Variants in PDGFC observed in about 807,000 individuals in gnomAD.
The protein encoded by PDGFC is platelet derived growth factor C, also known as platelet-derived growth factor C.
Under a neutral mutation model 35.5 loss-of-function variants are expected in PDGFC, and 12 were observed. That is an observed-to-expected ratio of 0.34 (90% CI 0.22 to 0.55). The LOEUF (loss-of-function observed/expected upper bound fraction) is 0.55. Among genes scored for constraint, PDGFC ranks in the 20% least tolerant of loss-of-function variants. The pLI is 0.91. For missense variants in PDGFC, 322 were observed against 412.4 expected (o/e 0.78, Z 1.90); for synonymous variants, 159 against 148.8 (o/e 1.07, Z -0.50).
chr4:156,878,874 C>A lies in PDGFC; in HGVS notation c.119-28458G>T, dbSNP rs969855403. Among the ~76,000 whole-genome samples, 4 of 152,136 alleles carry A rather than the reference C, an allele frequency of 2.6e-5. No individual in the cohort carries two copies. The South Asian group carries it at 8.3e-4, about 32-fold the overall frequency. On this transcript the variant is annotated intron_variant, in intron 1 of 5. Transcript: ENST00000502773. ...GAGTTTTAGAGAACAATGACTTTTA[C>A]CTAGAAGTAACTCCTACCAAGTAGC... is the stretch of plus-strand genomic sequence containing the variant.
intron 2 of PDGFC, among the ~76,000 whole-genome samples, chr4:156,848,321 T>C (rs1331858321): frequency 6.6e-6 from 1 of 151,930 alleles, no homozygotes; most frequent in African/African-American, 2.4e-5. Context: ...TTGGGAAATG[T>C]ATAAACTGAT....
intron 1 of PDGFC, among the ~76,000 whole-genome samples, chr4:156,949,437 CTCTT>C (rs759183719): frequency 2.6e-5 from 4 of 151,632 alleles, no homozygotes; most frequent in Non-Finnish European, 4.4e-5. Context: ...GTGTCTCTCT[CTCTT>C]TCTCTCTCGC....
chr4:156,819,247 TA>T (rs201926629), intron 2 of PDGFC, among the ~76,000 whole-genome samples: 1 of 151,850 alleles, frequency 6.6e-6, no homozygotes, highest in Non-Finnish European at 1.5e-5. Flanking sequence ...GTGGATATGC[TA>T]AAAAAAACAC....
chr4:156,957,953 C>T (rs1035237416), intron 1 of PDGFC, among the ~76,000 whole-genome samples: 2 of 151,976 alleles, frequency 1.3e-5, no homozygotes, highest in African/African-American at 2.4e-5. Flanking sequence ...TGATTCTGCA[C>T]GTGCAAATGA....
At chr4:156,893,392 G>A (rs1730559742) in intron 1 of PDGFC, among the ~76,000 whole-genome samples, 1 of 151,756 alleles carries the variant, frequency 6.6e-6, no homozygotes, top group Admixed American at 6.6e-5. Context: ...GGAATGCAGT[G>A]GGCAATCACA....
At chr4:156,865,257 G>A (rs1363198756) in intron 1 of PDGFC, among the ~76,000 whole-genome samples, 4 of 151,544 alleles carry the variant, frequency 2.6e-5, no homozygotes, top group Admixed American at 6.6e-5. Context: ...ATGAACACAG[G>A]GGTATCATTT....
At chr4:156,823,096 T>C (rs1218180786) in intron 2 of PDGFC, among the ~76,000 whole-genome samples, 1 of 152,038 alleles carries the variant, frequency 6.6e-6, no homozygotes, top group African/African-American at 2.4e-5. Flanking sequence ...GAACAAAGAA[T>C]CATCCAGTTT....
intron 2 of PDGFC, among the ~76,000 whole-genome samples, chr4:156,843,977 C>T (rs10008978): frequency 0.095 from 14,485 of 152,182 alleles, 819 homozygotes; most frequent in African/African-American, 0.14. Flanking sequence ...CCTTGCCTTG[C>T]TATTTCTGCT....
At chr4:156,802,238 A>G (rs900202072) in intron 3 of PDGFC, among the ~76,000 whole-genome samples, 2 of 152,174 alleles carry the variant, frequency 1.3e-5, no homozygotes, top group Non-Finnish European at 2.9e-5. Context: ...TCAGTCTCAC[A>G]TACTTTTTGG....
chr4:156,868,416 C>G (rs2111134455), intron 1 of PDGFC, among the ~76,000 whole-genome samples: 1 of 152,224 alleles, frequency 6.6e-6, no homozygotes, highest in East Asian at 1.9e-4. Context: ...GAACACTACC[C>G]ATTAAGGATT....
chr4:156,913,846 A>C (rs1294767940), intron 1 of PDGFC, among the ~76,000 whole-genome samples: 1 of 151,872 alleles, frequency 6.6e-6, no homozygotes, highest in Admixed American at 6.6e-5. Flanking sequence ...CAAACCTCTC[A>C]CCTTGGTTGA....
chr4:156,767,844 A>G lies in PDGFC; in HGVS notation c.850T>C (p.Cys284Arg). 1 of 1,613,472 alleles carries G rather than the reference A, an allele frequency of 6.2e-7. No homozygotes were observed. Among genetic ancestry groups the G allele is most frequent in the Non-Finnish European group, 8.5e-7 (1 of 1,179,506 alleles). Residue 284 changes from cysteine (C) to arginine (R), a missense_variant, in exon 5 of 6, where the codon TGT becomes CGT. Around this residue, in one of 2 missense-constraint regions of PDGFC, gnomAD observed 202 missense variants for 295.9 expected, o/e 0.68. Coordinates refer to ENST00000502773, the MANE Select transcript of PDGFC (RefSeq NM_016205.3). The stretch of plus-strand genomic sequence containing the variant: ...TTGCAATTGTGGAGACAACAGGCAC[A>G]GTTCCCACCACAGCGTTTAACCAGG... ...CLLVKRCGGNCACCLHNCNEC... is the reference protein window; with the variant it reads ...CLLVKRCGGNRACCLHNCNEC...
chr4:156,894,950 A>G (rs1431072641), intron 1 of PDGFC, among the ~76,000 whole-genome samples: 5 of 152,192 alleles, frequency 3.3e-5, no homozygotes, highest in Non-Finnish European at 7.3e-5. Context: ...CTAATTCTGC[A>G]TGCAAATGAG....
chr4:156,879,451 A>G (rs1730191326), intron 1 of PDGFC, among the ~76,000 whole-genome samples: 1 of 152,176 alleles, frequency 6.6e-6, no homozygotes, highest in African/African-American at 2.4e-5. Flanking sequence ...ACTTACTTGA[A>G]TCCCTCTTTA....
chr4:156,955,715 AATC>A (rs1732193677), intron 1 of PDGFC, among the ~76,000 whole-genome samples: 1 of 152,016 alleles, frequency 6.6e-6, no homozygotes, highest in Non-Finnish European at 1.5e-5. Context: ...AGAAGGCTAT[AATC>A]ATTACCCATC....
chr4:156,768,434 G>C (rs1245775689), intron 4 of PDGFC, among the ~76,000 whole-genome samples: 2 of 151,976 alleles, frequency 1.3e-5, no homozygotes, highest in Admixed American at 6.6e-5. Context: ...CATACAATTA[G>C]TGAAGAACAA....
chr4:156,937,517 T>C (rs1054345158), intron 1 of PDGFC, among the ~76,000 whole-genome samples: 1 of 151,580 alleles, frequency 6.6e-6, no homozygotes, highest in African/African-American at 2.4e-5. Context: ...CTGGGCAAAA[T>C]AGTGAAACCC....
At chr4:156,938,718 G>A (rs1264522523) in intron 1 of PDGFC, among the ~76,000 whole-genome samples, 1 of 151,852 alleles carries the variant, frequency 6.6e-6, no homozygotes, top group East Asian at 1.9e-4. Flanking sequence ...GTGGTTATTT[G>A]CAAGTGAATT....
At chr4:156,871,583 C>T (rs1388831490) in intron 1 of PDGFC, among the ~76,000 whole-genome samples, 1 of 151,952 alleles carries the variant, frequency 6.6e-6, no homozygotes, top group African/African-American at 2.4e-5. Context: ...TATTTTTATA[C>T]ATAAACTAAA....
Sources: gnomAD v4.1 joint callset for allele counts (sites outside exome capture counted in the v4.1 genomes callset) on GRCh38, gnomAD v4.1.1 for gene constraint, gnomAD v4.1.1 regional missense constraint, MANE v1.5 for transcripts, NCBI Gene and HGNC (gene_info 2026-07-23, HGNC 2026-07-21) for gene names.